Variants in KIF26B observed in about 807,000 individuals in gnomAD.
KIF26B encodes kinesin family member 26B, also known as kinesin-like protein KIF26B.
KIF26B carries 63 observed loss-of-function variants against 151.2 expected under a neutral mutation model. The observed-to-expected ratio is 0.42, with a 90% CI of 0.34 to 0.51. The LOEUF is 0.51. Among genes scored for constraint, KIF26B ranks in the 20% least tolerant of loss-of-function variants. KIF26B has a pLI of 0.07. For synonymous variants in KIF26B, 1,357 were observed against 1,262.1 expected (o/e 1.08, Z -1.59); for missense variants, 2,813 against 2,913.6 (o/e 0.97, Z 0.79).
chr1:245,444,271 CCCAGGCCTTTTCAGCGGCCCT>C (rs1486167381), intron 4 of KIF26B, among the ~76,000 whole-genome samples: 2 of 152,226 alleles, frequency 1.3e-5, no homozygotes, highest in African/African-American at 4.8e-5. Context: ...GGTGGTGAAT[CCCAGGCCTTTTCAGCGGCCCT>C]CCAGGCCTGC....
Position 245,488,883 on chromosome 1 carries a change from A to T in KIF26B, c.1167-51884A>T, listed in dbSNP as rs891232513. 1.3e-5 allele frequency among the ~76,000 whole-genome samples: 2 copies of T among 152,204 alleles called. No homozygotes were observed. The highest frequency in any genetic ancestry group is 2.9e-5 in the Non-Finnish European group (2 of 68,036). The stretch of plus-strand genomic sequence containing the variant: ...TCTTTATGCCTTAGGCTAGGTTTGC[A>T]GTTGGTAGATGCAAAATATGCTGAT... On this transcript the variant is annotated intron_variant, in intron 4 of 14. Transcript: ENST00000407071. The surrounding 1 kb of genome is among the most constrained non-coding windows in gnomAD (Gnocchi z 4.6).
In KIF26B at chr1:245,667,504, C is replaced by T. The variant is rs933208122; in HGVS notation, c.2259-16729C>T. On this transcript the variant is annotated intron_variant, in intron 10 of 14. Transcript: ENST00000407071. The surrounding 1 kb of genome is among the most constrained non-coding windows in gnomAD (Gnocchi z 4.3). ...TGCTTTGGTTTTATTCTGACTGTGG[C>T]TCCTAGGAAGAAAAAGAAAAGATGA... 3.3e-5 allele frequency among the ~76,000 whole-genome samples: 5 copies of T among 152,044 alleles called. No individual in the cohort carries two copies. The highest frequency in any genetic ancestry group is 7.3e-5 in the Non-Finnish European group (5 of 68,028).
rs1250215999 is a variant in KIF26B at position 245,375,678 on chromosome 1, G to A, written c.999+8311G>A. Among the ~76,000 whole-genome samples, 3 of 152,260 alleles carry A rather than the reference G, an allele frequency of 2.0e-5. No individual in the cohort carries two copies. The highest frequency in any genetic ancestry group is 6.5e-5 in the Admixed American group (1 of 15,296). On this transcript the variant is annotated intron_variant, in intron 3 of 14. Transcript: ENST00000407071. The surrounding 1 kb of genome is among the most constrained non-coding windows in gnomAD (Gnocchi z 4.2). ...TTTTTGTTGTTTGAAGCTGCTAAAT[G>A]TGTGCTATTTTGCTTCAGCAGCAAT...
chr1:245,512,395 A>G lies in KIF26B; in HGVS notation c.1167-28372A>G, dbSNP rs1660857952. 6.6e-6 allele frequency among the ~76,000 whole-genome samples: 1 copy of G among 152,202 alleles called. No individual in the cohort carries two copies. Reference sequence around the variant, plus strand: ...AGCCTTGGACAGAGGGAGTACTGTGAAGCAACATGCAGGGCTGCCAATTTT... The same window carrying G: ...AGCCTTGGACAGAGGGAGTACTGTGGAGCAACATGCAGGGCTGCCAATTTT... On this transcript the variant is annotated intron_variant, in intron 4 of 14. Coordinates refer to ENST00000407071, the MANE Select transcript of KIF26B (RefSeq NM_018012.4). The surrounding 1 kb of genome is among the most constrained non-coding windows in gnomAD (Gnocchi z 4.3).
Position 245,702,415 on chromosome 1 carries a change from CCT to C in KIF26B, c.6179-42_6179-41del, listed in dbSNP as rs2044784251. ...TGAGCCGTCGGGAGTTGCTTCTCAC[CCT>C]GTTTGCTCTGCGTCTCCATCAGGCT... On this transcript the variant is annotated intron_variant, in intron 14 of 14. Coordinates refer to ENST00000407071, the MANE Select transcript of KIF26B (RefSeq NM_018012.4). The surrounding 1 kb of genome is among the most constrained non-coding windows in gnomAD (Gnocchi z 4.1). The C allele has an allele frequency of 1.2e-6, 2 of 1,609,776 alleles. No homozygotes were observed. The highest frequency in any genetic ancestry group is 2.7e-5 in the African/African-American group (2 of 74,780).
chr1:245,491,792 C>T (rs1443706330), intron 4 of KIF26B, among the ~76,000 whole-genome samples: 1 of 152,084 alleles, frequency 6.6e-6, no homozygotes, highest in East Asian at 1.9e-4. Flanking sequence ...CCTGTAATCC[C>T]AGCTACTCAG....
intron 10 of KIF26B, among the ~76,000 whole-genome samples, chr1:245,662,305 CTA>C (rs1267903879): frequency 6.8e-6 from 1 of 146,536 alleles, no homozygotes; most frequent in Non-Finnish European, 1.5e-5. Context: ...CACACACACC[CTA>C]TATATATTTA....
At chr1:245,442,458 A>C (rs1659129026) in intron 4 of KIF26B, among the ~76,000 whole-genome samples, 1 of 152,162 alleles carries the variant, frequency 6.6e-6, no homozygotes, top group Admixed American at 6.5e-5. Flanking sequence ...ATTTCTCTGC[A>C]AGTGATTTAT....
rs753198362 is a variant in KIF26B at position 245,686,361 on chromosome 1, G to A, written c.3378G>A (p.Thr1126=). ...RESLLQPEVR[T]PPVGMSPQVL... ...CCTTGCTGCAGCCCGAGGTGCGTAC[G>A]CCCCCGGTTGGAATGAGCCCCCAGG... The change falls in exon 12 of 15, where the codon ACG becomes ACA. Residue 1126 remains threonine, a synonymous_variant. Coordinates refer to ENST00000407071, the MANE Select transcript of KIF26B (RefSeq NM_018012.4). The surrounding 1 kb of genome is among the most constrained non-coding windows in gnomAD (Gnocchi z 5.6). 29 of 1,613,194 alleles carry A rather than the reference G, an allele frequency of 1.8e-5. No individual in the cohort carries two copies. Among genetic ancestry groups the A allele is most frequent in the African/African-American group, 8.0e-5 (6 of 74,906 alleles).
chr1:245,380,149 C>T (rs1037463675), intron 3 of KIF26B, among the ~76,000 whole-genome samples: 5 of 152,024 alleles, frequency 3.3e-5, no homozygotes, highest in East Asian at 1.9e-4. Context: ...TAAGTCACTC[C>T]GAGGGAGTCA....
At chr1:245,192,659 C>T (rs2103533631) in intron 2 of KIF26B, among the ~76,000 whole-genome samples, 1 of 152,280 alleles carries the variant, frequency 6.6e-6, no homozygotes, top group African/African-American at 2.4e-5. Flanking sequence ...TTTTAGGGGC[C>T]TCCAGAGCCC....
intron 4 of KIF26B, among the ~76,000 whole-genome samples, chr1:245,504,321 C>CCCTT (rs1441825659): frequency 6.7e-6 from 1 of 149,878 alleles, no homozygotes; most frequent in Non-Finnish European, 1.5e-5. Context: ...TCTTTCTCTG[C>CCCTT]CCTTCCTTCC....
rs546284118 is a variant in KIF26B, at chr1:245,244,846, T to C, written c.465+88163T>C. Among the ~76,000 whole-genome samples the C allele has an allele frequency of 6.6e-5, 10 of 151,842 alleles. No homozygotes were observed. Among genetic ancestry groups the C allele is most frequent in the Admixed American group, 6.6e-4 (10 of 15,236 alleles). On this transcript the variant is annotated intron_variant, in intron 2 of 14. Coordinates refer to ENST00000407071, the MANE Select transcript of KIF26B (RefSeq NM_018012.4). This position sits in a 1 kb window ranked among gnomAD's most constrained non-coding sequence, Gnocchi z 4.2. ...GTCCTCCTGTTATTCCTATGAACGATTCCTTCTGTTCTTCTAAGTCCCTTC... is the reference window on the plus strand; with the variant it reads ...GTCCTCCTGTTATTCCTATGAACGACTCCTTCTGTTCTTCTAAGTCCCTTC...
At chr1:245,630,137 A>ATGT (rs1165444124) in intron 9 of KIF26B, among the ~76,000 whole-genome samples, 1 of 152,040 alleles carries the variant, frequency 6.6e-6, no homozygotes, top group African/African-American at 2.4e-5. Context: ...GTTGGTGGGA[A>ATGT]TGTAAATTAG....
intron 2 of KIF26B, among the ~76,000 whole-genome samples, chr1:245,219,042 C>T (rs1480125874): frequency 6.8e-6 from 1 of 147,638 alleles, no homozygotes; most frequent in Non-Finnish European, 1.5e-5. Flanking sequence ...TCAAGAGTGT[C>T]TTGTTCTGAC....
chr1:245,484,503 C>T (rs1660233181), intron 4 of KIF26B, among the ~76,000 whole-genome samples: 1 of 151,836 alleles, frequency 6.6e-6, no homozygotes, highest in Non-Finnish European at 1.5e-5. Flanking sequence ...AGGCACTCCA[C>T]TCGTCCATGT....
chr1:245,576,339 C>T (rs1351658142), intron 5 of KIF26B, among the ~76,000 whole-genome samples: 2 of 152,156 alleles, frequency 1.3e-5, no homozygotes, highest in Admixed American at 6.5e-5. Context: ...TTTCATAACA[C>T]GTCTCCTGTC....
intron 4 of KIF26B, among the ~76,000 whole-genome samples, chr1:245,535,611 A>G (rs1287693412): frequency 6.6e-6 from 1 of 152,122 alleles, no homozygotes. Flanking sequence ...AAACACACTC[A>G]CTATTTTATG....
At position 245,155,612 on chromosome 1, in the gene KIF26B, T is replaced by A. The variant is rs1668415862; in HGVS notation, c.63+125T>A. The A allele has an allele frequency of 7.4e-6, 6 of 808,514 alleles. No individual in the cohort carries two copies. The South Asian group carries it at 9.7e-5, about 13-fold the overall frequency. 50.1% of individuals were successfully genotyped at this position (808,514 alleles called of 1,614,324 possible). On this transcript the variant is annotated intron_variant, in intron 1 of 14. Coordinates refer to ENST00000407071, the MANE Select transcript of KIF26B (RefSeq NM_018012.4). ...CCCGCTGCAGAGGCGCCCCCGGGGCTGGCGGGGTTGTGAGTGCGCGGAGGC... is the reference window on the plus strand; with the variant it reads ...CCCGCTGCAGAGGCGCCCCCGGGGCAGGCGGGGTTGTGAGTGCGCGGAGGC...
Sources: gnomAD v4.1 joint callset for allele counts (sites outside exome capture counted in the v4.1 genomes callset) on GRCh38, gnomAD v4.1.1 for gene constraint, Gnocchi (gnomAD v3.1) non-coding constraint, MANE v1.5 for transcripts, NCBI Gene and HGNC (gene_info 2026-07-23, HGNC 2026-07-21) for gene names.